LIPH: variants seen among roughly 807,000 people sequenced by gnomAD.
LIPH encodes the protein lipase H.
LIPH carries 32 observed loss-of-function variants against 47.6 expected under a neutral mutation model. That is an observed-to-expected ratio of 0.67 (90% CI 0.51 to 0.90). The LOEUF (loss-of-function observed/expected upper bound fraction) is 0.90, where lower values mean the gene tolerates loss of function less well. Ranked by LOEUF, LIPH falls within the 40% of genes least tolerant of loss-of-function variation. The pLI is 0.00. For synonymous variants in LIPH, 190 were observed against 195.6 expected (o/e 0.97, Z 0.24); for missense variants, 497 against 541.4 (o/e 0.92, Z 0.81).
intron 5 of LIPH, among the ~76,000 whole-genome samples, chr3:185,522,662 G>GAAAGAAAA (rs1553821812): frequency 8.3e-5 from 2 of 24,188 alleles, no homozygotes; most frequent in Non-Finnish European, 1.6e-4. Flanking sequence ...AAGAAAGAAA[G>GAAAGAAAA]AAAGAAAGAA....
intron 1 of LIPH, among the ~76,000 whole-genome samples, chr3:185,536,439 G>T (rs1218082015): frequency 6.6e-6 from 1 of 152,100 alleles, no homozygotes; most frequent in East Asian, 1.9e-4. Flanking sequence ...CCTCCAATAG[G>T]AATTCAGGAA....
chr3:185,543,784 T>C lies in LIPH; in HGVS notation c.49+8639A>G, dbSNP rs145975040. 2.0e-3 allele frequency among the ~76,000 whole-genome samples: 299 copies of C among 152,118 alleles called. 3 individuals are homozygous for C. The highest frequency in any genetic ancestry group is 6.6e-3 in the African/African-American group (275 of 41,516). On this transcript the variant is annotated intron_variant, in intron 1 of 9. Transcript: ENST00000296252. ...TAGTTTTAGTTCTATAAAGTACATG[T>C]CCATTGCTCACTGAGTCCTTTTCCT...
At chr3:185,534,270 C>T (rs1577681395) in intron 2 of LIPH, among the ~76,000 whole-genome samples, 3 of 152,052 alleles carry the variant, frequency 2.0e-5, no homozygotes, top group South Asian at 4.1e-4. Flanking sequence ...GCAAGAGAAT[C>T]GCTTGAACCC....
intron 6 of LIPH, among the ~76,000 whole-genome samples, chr3:185,518,415 G>A (rs1217772940): frequency 6.6e-6 from 1 of 152,060 alleles, no homozygotes; most frequent in Non-Finnish European, 1.5e-5. Flanking sequence ...AAGTAGCTGG[G>A]ATTTCAGGCG....
intron 3 of LIPH, among the ~76,000 whole-genome samples, chr3:185,528,067 C>CA (rs1472059516): frequency 3.3e-5 from 5 of 151,418 alleles, no homozygotes; most frequent in Admixed American, 2.0e-4. Context: ...TACAAAAATA[C>CA]AAAAAAATTA....
intron 9 of LIPH, among the ~76,000 whole-genome samples, chr3:185,509,136 C>A (rs1719474963): frequency 6.6e-6 from 1 of 150,794 alleles, no homozygotes; most frequent in South Asian, 2.1e-4. Flanking sequence ...ACTAAAAATA[C>A]AAAAATTAGC....
At chr3:185,551,680 T>C (rs781614725) in intron 1 of LIPH, among the ~76,000 whole-genome samples, 1 of 152,166 alleles carries the variant, frequency 6.6e-6, no homozygotes, top group Non-Finnish European at 1.5e-5. Flanking sequence ...TTAAAGTATA[T>C]GAACATTTTT....
chr3:185,545,600 T>G (rs962930719), intron 1 of LIPH, among the ~76,000 whole-genome samples: 2 of 152,128 alleles, frequency 1.3e-5, no homozygotes, highest in African/African-American at 2.4e-5. Context: ...TAAATACAAA[T>G]ACAGGCCAAG....
At chr3:185,536,823 T>A (rs1331318756) in intron 1 of LIPH, among the ~76,000 whole-genome samples, 1 of 152,234 alleles carries the variant, frequency 6.6e-6, no homozygotes, top group African/African-American at 2.4e-5. Flanking sequence ...GAAAACACCG[T>A]CTGTAGGATT....
intron 8 of LIPH, among the ~76,000 whole-genome samples, chr3:185,512,168 G>C (rs1469922710): frequency 2.0e-5 from 3 of 152,124 alleles, no homozygotes; most frequent in African/African-American, 7.2e-5. Context: ...TTCTGGCTGA[G>C]TTCAAAGTTA....
chr3:185,522,176 C>T (rs1200078598), intron 5 of LIPH, among the ~76,000 whole-genome samples: 1 of 152,154 alleles, frequency 6.6e-6, no homozygotes, highest in Non-Finnish European at 1.5e-5. Flanking sequence ...CATACAGGGA[C>T]CGTCCAGTGA....
intron 8 of LIPH, 87 bp from the exon 9 acceptor site, chr3:185,511,784 GGTAA>G: frequency 1.1e-6 from 1 of 925,590 alleles, no homozygotes; most frequent in Non-Finnish European, 1.8e-6. Flanking sequence ...CTGGTAAGCT[GGTAA>G]CTATTTCACC....
chr3:185,523,239 A>G (rs1159857664), intron 5 of LIPH, among the ~76,000 whole-genome samples: 1 of 152,180 alleles, frequency 6.6e-6, no homozygotes, highest in East Asian at 1.9e-4. Context: ...TTTTCAAGAG[A>G]GAGAAATAAT....
intron 9 of LIPH, 125 bp from the exon 10 acceptor site, chr3:185,509,002 C>T (rs1469071189): frequency 8.4e-6 from 6 of 715,380 alleles, no homozygotes; most frequent in East Asian, 2.8e-5. Context: ...AAAACACTTA[C>T]GGTGGCCAGG....
At chr3:185,522,682 G>T (rs1450047173) in intron 5 of LIPH, among the ~76,000 whole-genome samples, 1 of 151,188 alleles carries the variant, frequency 6.6e-6, no homozygotes, top group Non-Finnish European at 1.5e-5. Flanking sequence ...AAGAAAGAAA[G>T]AAAGAAAGAA....
Position 185,534,841 on chromosome 3 carries a change from G to A in LIPH, c.341C>T (p.Thr114Ile), listed in dbSNP as rs199508534. ...ACTAGAGGCATGGGTATATATTAAAGTTGTAGCTCCTCGATTCCAATCAAC... is the reference window on the plus strand; with the variant it reads ...ACTAGAGGCATGGGTATATATTAAAATTGTAGCTCCTCGATTCCAATCAAC... The part of the protein sequence containing the change: ...VVVDWNRGAT[T>I]LIYTHASSKT... Residue 114 changes from threonine to isoleucine, a missense_variant, in exon 2 of 10, where the codon ACT (threonine) becomes ATT (isoleucine). By Grantham distance (89) the Thr-to-Ile change is moderately conservative (BLOSUM62 -1). Coordinates refer to ENST00000296252, the MANE Select transcript of LIPH (RefSeq NM_139248.3). The A allele has an allele frequency of 6.2e-7, 1 of 1,614,070 alleles. No individual in the cohort carries two copies. The highest frequency in any genetic ancestry group is 1.3e-5 in the African/African-American group (1 of 75,058).
intron 5 of LIPH, 39 bp downstream of exon 5, chr3:185,524,032 C>T (rs201167177): frequency 2.5e-4 from 356 of 1,411,096 alleles, no homozygotes; most frequent in Non-Finnish European, 3.4e-4. Context: ...TCCAAATATG[C>T]CTTTTTATAC....
intron 9 of LIPH, among the ~76,000 whole-genome samples, chr3:185,510,581 T>G (rs1719530860): frequency 6.6e-6 from 1 of 152,222 alleles, no homozygotes; most frequent in Non-Finnish European, 1.5e-5. Context: ...AGAAATTCAA[T>G]ATAATACTTT....
intron 7 of LIPH, among the ~76,000 whole-genome samples, chr3:185,514,937 C>T (rs988980368): frequency 6.6e-6 from 1 of 152,202 alleles, no homozygotes; most frequent in African/African-American, 2.4e-5. Flanking sequence ...CTTCCTCATC[C>T]TTCTCCCAAT....
Sources: gnomAD v4.1 joint callset for allele counts (sites outside exome capture counted in the v4.1 genomes callset) on GRCh38, gnomAD v4.1.1 for gene constraint, MANE v1.5 for transcripts, NCBI Gene and HGNC (gene_info 2026-07-23, HGNC 2026-07-21) for gene names.